AHRR: variants seen among roughly 807,000 people sequenced by gnomAD.
The protein encoded by AHRR is ahR repressor.
Under a neutral mutation model 44.0 loss-of-function variants are expected in AHRR, and 28 were observed. That is an observed-to-expected ratio of 0.64 (90% CI 0.47 to 0.87). The LOEUF (loss-of-function observed/expected upper bound fraction) is 0.87, where lower values mean the gene tolerates loss of function less well. Ranked by LOEUF, AHRR falls within the 40% of genes least tolerant of loss-of-function variation. The pLI is 0.00. For synonymous variants in AHRR, 434 were observed against 407.0 expected, an observed-to-expected ratio of 1.07 and a Z score of -0.80; for missense variants, 990 against 953.9, an observed-to-expected ratio of 1.04 and a Z score of -0.50.
At chr5:376,077 C>T (rs925410989) in intron 3 of AHRR, among the ~76,000 whole-genome samples, 4 of 152,096 alleles carry the variant, frequency 2.6e-5, no homozygotes, top group Non-Finnish European at 4.4e-5. Flanking sequence ...GAGGGGGCTG[C>T]GTGGGTTCCA....
intron 4 of AHRR, among the ~76,000 whole-genome samples, chr5:412,268 A>C (rs1735496947): frequency 6.6e-6 from 1 of 152,266 alleles, no homozygotes; most frequent in African/African-American, 2.4e-5. Context: ...ATGTAAAAAA[A>C]ATAAATAACT....
intron 5 of AHRR, among the ~76,000 whole-genome samples, chr5:420,477 G>A (rs949111757): frequency 1.3e-5 from 2 of 152,334 alleles, no homozygotes; most frequent in African/African-American, 4.8e-5. Context: ...CGGAGGTGGG[G>A]CCTGCAGATG....
At chr5:335,998 C>T (rs1742106375) in intron 1 of AHRR, among the ~76,000 whole-genome samples, 2 of 152,228 alleles carry the variant, frequency 1.3e-5, no homozygotes. Flanking sequence ...TCCAAGTTTC[C>T]CTAATGCCTC....
At position 370,573 on chromosome 5, in the gene AHRR, G is replaced by C. The variant is rs559068848; in HGVS notation, c.245-6037G>C. 6.6e-6 allele frequency among the ~76,000 whole-genome samples: 1 copy of C among 152,200 alleles called. No individual in the cohort carries two copies. Among genetic ancestry groups the C allele is most frequent in the African/African-American group, 2.4e-5 (1 of 41,448 alleles). On this transcript the variant is annotated intron_variant, in intron 3 of 10. Transcript: ENST00000684583. The surrounding 1 kb of genome is among the most constrained non-coding windows in gnomAD (Gnocchi z 4.5). ...ACAGTGGGTGCAGCCCCAGGCAGGT[G>C]GTGGTCCATAGGGGACAGCCCCCAG...
chr5:347,820 T>C (rs1003582525), intron 2 of AHRR, among the ~76,000 whole-genome samples: 1 of 152,218 alleles, frequency 6.6e-6, no homozygotes, highest in African/African-American at 2.4e-5. Context: ...TGAGTCTGGG[T>C]GCCCATCCTG....
chr5:412,934 T>C (rs1243374071), intron 4 of AHRR, among the ~76,000 whole-genome samples: 1 of 152,142 alleles, frequency 6.6e-6, no homozygotes, highest in African/African-American at 2.4e-5. Flanking sequence ...TTAGCCAGGC[T>C]GGTCAATGGA....
chr5:381,878 G>GT (rs557917069), intron 4 of AHRR, among the ~76,000 whole-genome samples: 76 of 152,040 alleles, frequency 5.0e-4, no homozygotes, highest in African/African-American at 1.7e-3. Context: ...TTTATTCCTT[G>GT]TTTTCTGAGA....
intron 8 of AHRR, among the ~76,000 whole-genome samples, chr5:431,803 C>T (rs964353965): frequency 2.6e-5 from 4 of 152,192 alleles, no homozygotes; most frequent in African/African-American, 9.7e-5. Flanking sequence ...CATTCATGGA[C>T]ATAGATGGGG....
At chr5:361,412 G>A (rs981699436) in intron 3 of AHRR, among the ~76,000 whole-genome samples, 7 of 152,250 alleles carry the variant, frequency 4.6e-5, no homozygotes, top group South Asian at 4.1e-4. Context: ...AGAACAGGAC[G>A]GGAGGTAGTG....
intron 3 of AHRR, among the ~76,000 whole-genome samples, chr5:374,342 C>G (rs1743703383): frequency 6.6e-6 from 1 of 152,256 alleles, no homozygotes; most frequent in East Asian, 1.9e-4. Context: ...TGGGTCTGCA[C>G]TTGGGAGAAA....
At chr5:394,324 C>T (rs1734611021) in intron 4 of AHRR, among the ~76,000 whole-genome samples, 2 of 100,368 alleles carry the variant, frequency 2.0e-5, no homozygotes, top group Non-Finnish European at 4.0e-5. Flanking sequence ...CCTCTTGTCT[C>T]TCCCCTTTCC....
At chr5:420,618 C>G (rs1040173740) in intron 5 of AHRR, among the ~76,000 whole-genome samples, 1 of 152,206 alleles carries the variant, frequency 6.6e-6, no homozygotes, top group Non-Finnish European at 1.5e-5. Context: ...AAACATTTCT[C>G]AGGACAAAAG....
intron 5 of AHRR, among the ~76,000 whole-genome samples, chr5:421,691 G>A (rs761524196): frequency 1.3e-5 from 2 of 152,150 alleles, no homozygotes; most frequent in Non-Finnish European, 2.9e-5. Flanking sequence ...TCACAGAAGG[G>A]AACTGCGGAG....
rs559553314 is a variant in AHRR at position 325,447 on chromosome 5, T to C, written c.-11+3628T>C. Among the ~76,000 whole-genome samples, 247 of 152,322 alleles carry C rather than the reference T, an allele frequency of 1.6e-3. 1 individual carries two copies. The highest frequency in any genetic ancestry group is 2.8e-3 in the Non-Finnish European group (189 of 68,030). The stretch of plus-strand genomic sequence containing the variant: ...GGGTGCGGCTTGGGAGTTTCCTGTT[T>C]GAGTCGAAAGGCCTTGCAGTTCTGA... On this transcript the variant is annotated intron_variant, in intron 1 of 10. Coordinates refer to ENST00000684583, the MANE Select transcript of AHRR (RefSeq NM_001377236.1).
intron 5 of AHRR, among the ~76,000 whole-genome samples, chr5:420,059 G>A (rs901750330): frequency 2.0e-5 from 3 of 152,228 alleles, no homozygotes; most frequent in African/African-American, 7.2e-5. Flanking sequence ...ACGAGGTGAC[G>A]CCACGGTAGT....
chr5:390,189 C>T (rs1019112314), intron 4 of AHRR, among the ~76,000 whole-genome samples: 9 of 152,226 alleles, frequency 5.9e-5, no homozygotes, highest in Admixed American at 2.0e-4. Flanking sequence ...TTAAAAATAA[C>T]GAAGAGTGTG....
Position 413,321 on chromosome 5 carries a change from TTTTG to T in AHRR, c.352-19_352-16del. On this transcript the variant is annotated intron_variant, in intron 4 of 10. Transcript: ENST00000684583. Reference sequence around the variant, plus strand: ...TTGGGTGAGCCAATTCGATTTTTTTTTTTGTTTTGTTTTTTCTTCTAGTCTCTTA... The same window carrying T: ...TTGGGTGAGCCAATTCGATTTTTTTTTTTTGTTTTTTCTTCTAGTCTCTTA... 1 of 1,553,762 alleles carries T rather than the reference TTTTG, an allele frequency of 6.4e-7. No homozygotes were observed.
rs562179589 is a variant in AHRR, at chr5:421,124, G to T, written c.442-1605G>T. 43 of 555,518 alleles carry T rather than the reference G, an allele frequency of 7.7e-5. 1 individual carries two copies. In the South Asian group the frequency reaches 8.6e-4, roughly 11 times the overall value. 34.4% of individuals were successfully genotyped at this position (555,518 alleles called of 1,614,324 possible). On this transcript the variant is annotated intron_variant, in intron 5 of 10. Coordinates refer to ENST00000684583, the MANE Select transcript of AHRR (RefSeq NM_001377236.1). The stretch of plus-strand genomic sequence containing the variant: ...AGAAGGTGCAGCGGCTGGAGCGTTC[G>T]CGCCTTAACTGGAAGAGGAGCCGCC...
rs186611411 is a variant in AHRR, at chr5:326,316, G to C, written c.-11+4497G>C. Among the ~76,000 whole-genome samples the C allele has an allele frequency of 7.7e-4, 118 of 152,318 alleles. No homozygotes were observed. Among genetic ancestry groups the C allele is most frequent in the Middle Eastern group, 3.4e-3 (1 of 294 alleles). On this transcript the variant is annotated intron_variant, in intron 1 of 10. Coordinates refer to ENST00000684583, the MANE Select transcript of AHRR (RefSeq NM_001377236.1). The surrounding 1 kb of genome is among the most constrained non-coding windows in gnomAD (Gnocchi z 4.1). The stretch of plus-strand genomic sequence containing the variant: ...TTTTTATCTGAGTTTGCCTACTCAG[G>C]ATATATCATGCAATGGGGTCAGTGT...
Sources: gnomAD v4.1 joint callset for allele counts (sites outside exome capture counted in the v4.1 genomes callset) on GRCh38, gnomAD v4.1.1 for gene constraint, Gnocchi (gnomAD v3.1) non-coding constraint, MANE v1.5 for transcripts, NCBI Gene and HGNC (gene_info 2026-07-23, HGNC 2026-07-21) for gene names.